Variants in SND1 observed in about 807,000 individuals in gnomAD.
SND1 encodes staphylococcal nuclease and tudor domain containing 1, also known as staphylococcal nuclease domain-containing protein 1.
In SND1, 38 loss-of-function variants were observed where a neutral mutation model predicts 121.7. That is an observed-to-expected ratio of 0.31 (90% confidence interval 0.24 to 0.41). SND1 has a LOEUF of 0.41. SND1 is among the 10% of genes least tolerant of loss of function. The pLI, the probability that SND1 is intolerant of heterozygous loss-of-function variation, is 1.00. For missense variants in SND1, 868 were observed against 1,184.6 expected, an observed-to-expected ratio of 0.73 and a Z score of 3.92; for synonymous variants, 401 against 447.4, an observed-to-expected ratio of 0.90 and a Z score of 1.31.
chr7:128,029,442 C>G lies in SND1; in HGVS notation c.1779+38386C>G, dbSNP rs982383976. 11 of 1,614,038 alleles carry G rather than the reference C, an allele frequency of 6.8e-6. No individual in the cohort carries two copies. Among genetic ancestry groups the G allele is most frequent in the Non-Finnish European group, 9.3e-6 (11 of 1,180,028 alleles). On this transcript the variant is annotated intron_variant, in intron 16 of 23. Transcript: ENST00000354725. This position sits in a 1 kb window ranked among gnomAD's most constrained non-coding sequence, Gnocchi z 4.2. ...GGTGCCGTCGTTGAGGACAGAGATC[C>G]TTGGGTGGCGGGAGGCGTGGCTGAG...
At chr7:128,043,587 A>G (rs1157486445) in intron 16 of SND1, among the ~76,000 whole-genome samples, 3 of 150,308 alleles carry the variant, frequency 2.0e-5, no homozygotes, top group Non-Finnish European at 4.4e-5. Context: ...ATAAATTTTT[A>G]TATATATATA....
rs146697196 is a variant in SND1 at position 128,022,629 on chromosome 7, C to T, written c.1779+31573C>T. On this transcript the variant is annotated intron_variant, in intron 16 of 23. Coordinates refer to ENST00000354725, the MANE Select transcript of SND1 (RefSeq NM_014390.4). ...TTATTGGAAAACACAATTTATATAA[C>T]ACTCTTCCTCTGGAATAATACTCTT... 5.6e-4 allele frequency among the ~76,000 whole-genome samples: 86 copies of T among 152,342 alleles called. 1 individual carries two copies. The highest frequency in any genetic ancestry group is 1.8e-3 in the African/African-American group (75 of 41,578).
chr7:127,934,952 A>G (rs1801029987), intron 15 of SND1, among the ~76,000 whole-genome samples: 1 of 152,190 alleles, frequency 6.6e-6, no homozygotes, highest in African/African-American at 2.4e-5. Context: ...TCAGAGCAGT[A>G]AGACAGTCAT....
intron 16 of SND1, among the ~76,000 whole-genome samples, chr7:128,072,273 C>T (rs1793426288): frequency 6.6e-6 from 1 of 152,202 alleles, no homozygotes; most frequent in South Asian, 2.1e-4. Flanking sequence ...GCCACACTGG[C>T]CCACCACAAG....
At position 128,029,333 on chromosome 7, in the gene SND1, C is replaced by G. The variant is rs143703816; in HGVS notation, c.1779+38277C>G. ...CAGCCGTGCTCACATTGAGGTAGGC[C>G]GAGGCGTTGGAGTTGCCTGCAACAT... is the stretch of plus-strand genomic sequence containing the variant. On this transcript the variant is annotated intron_variant, in intron 16 of 23. Transcript: ENST00000354725. This position sits in a 1 kb window ranked among gnomAD's most constrained non-coding sequence, Gnocchi z 4.2. 18 of 1,614,002 alleles carry G rather than the reference C, an allele frequency of 1.1e-5. No individual in the cohort carries two copies. Among genetic ancestry groups the G allele is most frequent in the Non-Finnish European group, 1.4e-5 (16 of 1,180,018 alleles).
chr7:127,719,271 T>A (rs1796446527), intron 9 of SND1, among the ~76,000 whole-genome samples: 1 of 152,238 alleles, frequency 6.6e-6, no homozygotes, highest in African/African-American at 2.4e-5. Context: ...TCCATTACTG[T>A]GTACATTTTT....
At chr7:128,040,197 T>C (rs1166718145) in intron 16 of SND1, among the ~76,000 whole-genome samples, 1 of 152,102 alleles carries the variant, frequency 6.6e-6, no homozygotes, top group Non-Finnish European at 1.5e-5. Context: ...TGACTTTCTT[T>C]TCCTTTTGCC....
Position 127,707,627 on chromosome 7 carries a change from G to A in SND1, c.1018G>A (p.Asp340Asn), listed in dbSNP as rs1242112645. Residue 340 changes from aspartate to asparagine, a missense_variant, in exon 9 of 24, where the codon GAC becomes AAC. Physicochemically the swap from Asp to Asn is conservative, Grantham distance 23 (BLOSUM62 1). Transcript: ENST00000354725. Reference sequence around the variant, plus strand: ...TCCCACAGCTAATTTGGACCAAAAGGACAAGCAGTTTGTTGCCAAGGTGAG... The same window carrying A: ...TCCCACAGCTAATTTGGACCAAAAGAACAAGCAGTTTGTTGCCAAGGTGAG... ...VAPTANLDQK[D>N]KQFVAKVMQV... 3 of 1,613,946 alleles carry A rather than the reference G, an allele frequency of 1.9e-6. No homozygotes were observed. The highest frequency in any genetic ancestry group is 2.2e-5 in the East Asian group (1 of 44,890).
At chr7:127,677,079 C>T (rs747556324) in intron 1 of SND1, among the ~76,000 whole-genome samples, 1 of 152,174 alleles carries the variant, frequency 6.6e-6, no homozygotes, top group Non-Finnish European at 1.5e-5. Flanking sequence ...GAATGTCCAT[C>T]TTTTTCTATT....
intron 16 of SND1, among the ~76,000 whole-genome samples, chr7:128,065,635 TC>T (rs1353504345): frequency 6.6e-6 from 1 of 152,212 alleles, no homozygotes; most frequent in East Asian, 1.9e-4. Context: ...CACCCCTAGC[TC>T]CATCCCTTTA....
chr7:128,068,002 T>G (rs1345645637), intron 16 of SND1, among the ~76,000 whole-genome samples: 1 of 152,102 alleles, frequency 6.6e-6, no homozygotes, highest in African/African-American at 2.4e-5. Context: ...CCAGTGCACC[T>G]TCTCCCGCCT....
intron 8 of SND1, among the ~76,000 whole-genome samples, chr7:127,706,083 AC>A (rs2116349885): frequency 6.6e-6 from 1 of 152,316 alleles, no homozygotes; most frequent in East Asian, 1.9e-4. Context: ...ATGTTGTTCT[AC>A]AATTAAGTTA....
chr7:127,972,618 G>A (rs1345502067), intron 15 of SND1, among the ~76,000 whole-genome samples: 1 of 151,096 alleles, frequency 6.6e-6, no homozygotes, highest in African/African-American at 2.4e-5. Flanking sequence ...TTGAGACAGA[G>A]TCTTGCTCTG....
chr7:127,909,222 A>G (rs1380335742), intron 14 of SND1, among the ~76,000 whole-genome samples: 1 of 152,106 alleles, frequency 6.6e-6, no homozygotes, highest in Non-Finnish European at 1.5e-5. Context: ...CTTCTTTTGA[A>G]TATATTCTGC....
At chr7:127,700,317 G>A (rs1293438177) in intron 4 of SND1, among the ~76,000 whole-genome samples, 1 of 152,180 alleles carries the variant, frequency 6.6e-6, no homozygotes, top group Non-Finnish European at 1.5e-5. Flanking sequence ...TTGGATCCCT[G>A]AGGGTGTGGT....
At chr7:128,006,977 C>T (rs758205874) in intron 16 of SND1, among the ~76,000 whole-genome samples, 4 of 152,146 alleles carry the variant, frequency 2.6e-5, no homozygotes, top group Non-Finnish European at 4.4e-5. Context: ...TCCTGAGCGC[C>T]GAGTGGGTTG....
intron 15 of SND1, among the ~76,000 whole-genome samples, chr7:127,940,328 A>T (rs1298049838): frequency 1.3e-5 from 2 of 151,796 alleles, no homozygotes; most frequent in African/African-American, 4.8e-5. Flanking sequence ...TATCTTGTCA[A>T]CCTGTGGGCA....
At chr7:127,872,627 C>T (rs913213278) in intron 12 of SND1, among the ~76,000 whole-genome samples, 1 of 99,530 alleles carries the variant, frequency 1.0e-5, no homozygotes, top group Non-Finnish European at 1.9e-5. Flanking sequence ...TTAACACACA[C>T]GCACACACAC....
intron 15 of SND1, among the ~76,000 whole-genome samples, chr7:127,976,048 C>G (rs919330083): frequency 2.6e-5 from 4 of 152,206 alleles, no homozygotes; most frequent in African/African-American, 9.7e-5. Flanking sequence ...TTCTCCTTTC[C>G]TCTCTTATTC....
Sources: allele counts gnomAD v4.1 joint callset (sites outside exome capture counted in the v4.1 genomes callset), GRCh38; gene constraint gnomAD v4.1.1; non-coding constraint Gnocchi (gnomAD v3.1); transcripts MANE v1.5; gene names NCBI Gene and HGNC (gene_info 2026-07-23, HGNC 2026-07-21).